Variants in GNAO1 observed in about 807,000 individuals in gnomAD.
The protein encoded by GNAO1 is guanine nucleotide-binding protein G(o) subunit alpha.
For synonymous variants in GNAO1, 164 were observed against 180.7 expected, an observed-to-expected ratio of 0.91 and a Z score of 0.74; for missense variants, 166 against 478.7, an observed-to-expected ratio of 0.35 and a Z score of 6.10.
intron 6 of GNAO1, chr16:56,340,768 A>C: frequency 1.0e-5 from 15 of 1,464,410 alleles, no homozygotes; most frequent in Non-Finnish European, 1.4e-5. Context: ...CCGCTGTGTC[A>C]TTGGCCGCGG....
At chr16:56,267,358 C>T (rs540705715) in intron 2 of GNAO1, among the ~76,000 whole-genome samples, 1 of 152,214 alleles carries the variant, frequency 6.6e-6, no homozygotes, top group South Asian at 2.1e-4. Context: ...GAACGGCAGA[C>T]CCGTGCCAGT....
chr16:56,195,038 A>G lies in GNAO1; in HGVS notation c.161+2422A>G, dbSNP rs1016576738. Among the ~76,000 whole-genome samples the G allele has an allele frequency of 2.7e-5, 4 of 150,882 alleles. No homozygotes were observed. The South Asian group carries it at 8.4e-4, about 32-fold the overall frequency. ...GTGATGTTTGAGATTGTTAAATCAG[A>G]AATCAGAGCATTTCTTCTCTTTCCC... On this transcript the variant is annotated intron_variant, in intron 2 of 8. Transcript: ENST00000262493.
chr16:56,203,486 T>G (rs772868907), intron 2 of GNAO1, among the ~76,000 whole-genome samples: 25 of 152,062 alleles, frequency 1.6e-4, no homozygotes, highest in Non-Finnish European at 3.5e-4. Context: ...TGTTTCCACA[T>G]CTCAATTGCC....
At position 56,354,505 on chromosome 16, in the gene GNAO1, G is replaced by A. The variant is rs1352004257; in HGVS notation, c.878-361G>A. On this transcript the variant is annotated intron_variant, in intron 7 of 8. Coordinates refer to ENST00000262493, the MANE Select transcript of GNAO1 (RefSeq NM_020988.3). The surrounding 1 kb of genome is among the most constrained non-coding windows in gnomAD (Gnocchi z 4.3). Reference sequence around the variant, plus strand: ...AACCTGGCCAACATGGTGAAACCCCGTCTCTACTAAAAATACAAAAATTAG... The same window carrying A: ...AACCTGGCCAACATGGTGAAACCCCATCTCTACTAAAAATACAAAAATTAG... Among the ~76,000 whole-genome samples the A allele has an allele frequency of 6.6e-5, 10 of 152,074 alleles. No homozygotes were observed. Among genetic ancestry groups the A allele is most frequent in the Non-Finnish European group, 8.8e-5 (6 of 68,012 alleles).
chr16:56,281,412 C>T (rs529371644), intron 3 of GNAO1, among the ~76,000 whole-genome samples: 2 of 152,286 alleles, frequency 1.3e-5, no homozygotes, highest in South Asian at 4.1e-4. Flanking sequence ...CATGGACCCT[C>T]TTCTCCACCC....
intron 2 of GNAO1, among the ~76,000 whole-genome samples, chr16:56,242,686 CTT>C (rs2036705605): frequency 6.6e-6 from 1 of 152,180 alleles, no homozygotes; most frequent in African/African-American, 2.4e-5. Context: ...GGATCAAAGA[CTT>C]AAACAAAAGA....
chr16:56,208,322 C>T (rs1245792082), intron 2 of GNAO1, among the ~76,000 whole-genome samples: 2 of 151,922 alleles, frequency 1.3e-5, no homozygotes, highest in Admixed American at 1.3e-4. Context: ...TGTTACACAC[C>T]AGCTGTGACT....
In GNAO1 at chr16:56,247,142, C is replaced by T. The variant is rs368358572; in HGVS notation, c.162-28789C>T. Among the ~76,000 whole-genome samples, 4 of 152,338 alleles carry T rather than the reference C, an allele frequency of 2.6e-5. No homozygotes were observed. In the East Asian group the frequency reaches 5.8e-4, roughly 22 times the overall value. On this transcript the variant is annotated intron_variant, in intron 2 of 8. Transcript: ENST00000262493. ...AGCTCCCCTCCGTTGCTGTCACCAGCTACCCAGGTCAGCATGGCCCGTCAG... is the reference window on the plus strand; with the variant it reads ...AGCTCCCCTCCGTTGCTGTCACCAGTTACCCAGGTCAGCATGGCCCGTCAG...
intron 2 of GNAO1, among the ~76,000 whole-genome samples, chr16:56,208,463 G>A (rs922363818): frequency 1.2e-4 from 14 of 114,262 alleles, no homozygotes; most frequent in Admixed American, 6.8e-4. Context: ...GCGCGCGCAC[G>A]TGTGTGTGTG....
intron 2 of GNAO1, chr16:56,235,258 A>G (rs528302585): frequency 1.5e-5 from 7 of 453,248 alleles, no homozygotes; most frequent in East Asian, 7.0e-5. Context: ...AGGTGGCTCA[A>G]TCCACTCAGA....
intron 2 of GNAO1, among the ~76,000 whole-genome samples, chr16:56,273,065 T>G (rs1282771875): frequency 6.6e-6 from 1 of 152,270 alleles, no homozygotes; most frequent in Non-Finnish European, 1.5e-5. Flanking sequence ...TCTTGACTTA[T>G]TACACTTTAC....
intron 2 of GNAO1, among the ~76,000 whole-genome samples, chr16:56,256,746 G>T (rs973920685): frequency 1.4e-5 from 2 of 145,488 alleles, no homozygotes; most frequent in African/African-American, 5.3e-5. Context: ...GTGTGTGTGT[G>T]TGTGTGTGTG....
Position 56,306,319 on chromosome 16 carries a change from G to A in GNAO1, c.304-22312G>A, listed in dbSNP as rs544914551. 1.5e-3 allele frequency among the ~76,000 whole-genome samples: 224 copies of A among 152,344 alleles called. 1 individual carries two copies. The highest frequency in any genetic ancestry group is 2.5e-3 in the Admixed American group (39 of 15,310). On this transcript the variant is annotated intron_variant, in intron 3 of 8. Coordinates refer to ENST00000262493, the MANE Select transcript of GNAO1 (RefSeq NM_020988.3). The stretch of plus-strand genomic sequence containing the variant: ...CACACTCTGGGAAATCCCCTTCATC[G>A]TTGTGGCGGAATCTGCAGAGTTTAG...
chr16:56,322,995 T>A (rs1398058472), intron 3 of GNAO1, among the ~76,000 whole-genome samples: 1 of 152,178 alleles, frequency 6.6e-6, no homozygotes, highest in Admixed American at 6.5e-5. Context: ...ACCAGGCTCA[T>A]ACAGCACCAG....
chr16:56,300,008 C>CGTGTGTGTGTGTGTGTGTGTGTGTGTGT (rs71381116), intron 3 of GNAO1, among the ~76,000 whole-genome samples: 2 of 129,696 alleles, frequency 1.5e-5, no homozygotes, highest in Non-Finnish European at 1.6e-5. Flanking sequence ...GATTGGGGTT[C>CGTGTGTGTGTGTGTGTGTGTGTGTGTGT]GTGTGTGTGT....
chr16:56,215,476 A>G (rs946873498), intron 2 of GNAO1, among the ~76,000 whole-genome samples: 4 of 152,224 alleles, frequency 2.6e-5, no homozygotes, highest in African/African-American at 9.6e-5. Context: ...TGGCAGTGCT[A>G]CCTTCTAGTT....
intron 6 of GNAO1, chr16:56,346,318 G>A: frequency 3.0e-6 from 3 of 985,426 alleles, no homozygotes; most frequent in Non-Finnish European, 2.4e-6. Flanking sequence ...TGTTGCGAGT[G>A]ACACGTGTGG....
At chr16:56,256,795 G>A (rs1011166121) in intron 2 of GNAO1, among the ~76,000 whole-genome samples, 52 of 150,590 alleles carry the variant, frequency 3.5e-4, no homozygotes, top group African/African-American at 1.2e-3. Context: ...CCCTATGGCT[G>A]CACTCAGGGG....
intron 6 of GNAO1, chr16:56,347,331 A>C: frequency 1.0e-6 from 1 of 985,510 alleles, no homozygotes; most frequent in East Asian, 1.1e-4. Context: ...AGTCACCCCC[A>C]GGCAGTTCCT....
Sources: allele counts gnomAD v4.1 joint callset (sites outside exome capture counted in the v4.1 genomes callset), GRCh38; gene constraint gnomAD v4.1.1; non-coding constraint Gnocchi (gnomAD v3.1); transcripts MANE v1.5; gene names NCBI Gene and HGNC (gene_info 2026-07-23, HGNC 2026-07-21).